The following PPP1R21 variants were observed in gnomAD, a reference collection of about 807,000 sequenced individuals.
The protein encoded by PPP1R21 is protein phosphatase 1 regulatory subunit 21.
PPP1R21 carries 85 observed loss-of-function variants against 112.8 expected under a neutral mutation model. The observed-to-expected ratio is 0.75, with a 90% CI of 0.63 to 0.90. The LOEUF is 0.90. Among genes scored for constraint, PPP1R21 ranks in the 40% least tolerant of loss-of-function variants. The pLI is 0.00. For missense variants in PPP1R21, 1,199 were observed against 901.5 expected, an observed-to-expected ratio of 1.33 and a Z score of -4.23; for synonymous variants, 381 against 322.3, an observed-to-expected ratio of 1.18 and a Z score of -1.95.
At chr2:48,501,458 G>C (rs1043652913) in intron 17 of PPP1R21, among the ~76,000 whole-genome samples, 1 of 152,206 alleles carries the variant, frequency 6.6e-6, no homozygotes, top group South Asian at 2.1e-4. Context: ...TAGTCAGTCA[G>C]TCAGTCCTCA....
chr2:48,474,006 C>T (rs998054744), intron 11 of PPP1R21, among the ~76,000 whole-genome samples: 7 of 152,052 alleles, frequency 4.6e-5, no homozygotes, highest in Non-Finnish European at 1.0e-4. Context: ...AATACCAGTT[C>T]CTGTTTAATT....
intron 21 of PPP1R21, 91 bp from the exon 22 acceptor site, chr2:48,514,624 A>C: frequency 1.1e-6 from 1 of 933,898 alleles, no homozygotes; most frequent in Non-Finnish European, 1.7e-6. Context: ...TCCAAAGTGA[A>C]ATATGGCTTT....
At chr2:48,456,061 C>T in intron 3 of PPP1R21, among the ~76,000 whole-genome samples, 1 of 149,098 alleles carries the variant, frequency 6.7e-6, no homozygotes, top group East Asian at 2.0e-4. Flanking sequence ...ACACTTATAC[C>T]TTAGGTTTGT....
chr2:48,446,880 A>C (rs1667270685), intron 1 of PPP1R21, among the ~76,000 whole-genome samples: 1 of 152,044 alleles, frequency 6.6e-6, no homozygotes, highest in Admixed American at 6.6e-5. Flanking sequence ...CCTCCTGAGT[A>C]GCTGGGATTA....
At chr2:48,456,807 C>CTT (rs1667747039) in intron 3 of PPP1R21, among the ~76,000 whole-genome samples, 1 of 152,172 alleles carries the variant, frequency 6.6e-6, no homozygotes, top group African/African-American at 2.4e-5. Flanking sequence ...AATCCCAGCA[C>CTT]TTTGGGAGGC....
chr2:48,499,184 G>T (rs946324340), intron 17 of PPP1R21, among the ~76,000 whole-genome samples: 4 of 152,052 alleles, frequency 2.6e-5, no homozygotes, highest in African/African-American at 7.3e-5. Context: ...TTATACATCA[G>T]TTCATAACAG....
chr2:48,465,940 C>A (rs1475513321), intron 9 of PPP1R21, among the ~76,000 whole-genome samples: 2 of 152,202 alleles, frequency 1.3e-5, no homozygotes. Context: ...CTCCACATGG[C>A]TGGGGAGGCC....
chr2:48,455,142 ATTTTTTTTTTT>A (rs767494556), intron 3 of PPP1R21, among the ~76,000 whole-genome samples: 1 of 117,016 alleles, frequency 8.5e-6, no homozygotes, highest in Non-Finnish European at 1.8e-5. Context: ...CCGGCCCTGA[ATTTTTTTTTTT>A]TTTTTTTTTT....
At position 48,458,123 on chromosome 2, in the gene PPP1R21, C is replaced by T. The variant is rs1207364967; in HGVS notation, c.274-3C>T. 1.3e-6 allele frequency: 2 copies of T among 1,598,512 alleles called. No homozygotes were observed. Among genetic ancestry groups the T allele is most frequent in the Non-Finnish European group, 1.7e-6 (2 of 1,166,946 alleles). On this transcript the variant is annotated splice_polypyrimidine_tract_variant and splice_region_variant and intron_variant, in intron 3 of 21. Transcript: ENST00000294952. ...TGTGGACATAACTTATTCTTTCCATCAGAAAAGTGGAGAATCTTCTTCTCA... is the reference window on the plus strand; with the variant it reads ...TGTGGACATAACTTATTCTTTCCATTAGAAAAGTGGAGAATCTTCTTCTCA...
intron 9 of PPP1R21, among the ~76,000 whole-genome samples, 171 bp downstream of exon 9, chr2:48,465,813 G>C (rs1391077656): frequency 6.6e-6 from 1 of 152,196 alleles, no homozygotes; most frequent in African/African-American, 2.4e-5. Context: ...AGATTCTTAA[G>C]AAATTAAATT....
intron 19 of PPP1R21, 106 bp downstream of exon 19, chr2:48,507,491 C>T (rs1035374417): frequency 1.3e-6 from 2 of 1,498,574 alleles, no homozygotes; most frequent in African/African-American, 2.9e-5. Flanking sequence ...AGTCAGTGTC[C>T]CAAGTAGCTG....
intron 1 of PPP1R21, 127 bp from the exon 2 acceptor site, chr2:48,450,881 G>A (rs369640468): frequency 9.1e-6 from 6 of 660,374 alleles, no homozygotes; most frequent in Non-Finnish European, 1.6e-5. Flanking sequence ...ATACTTTTTT[G>A]TTCTCATATA....
chr2:48,464,128 A>G (rs968991921), intron 7 of PPP1R21, among the ~76,000 whole-genome samples: 9 of 152,200 alleles, frequency 5.9e-5, no homozygotes, highest in Admixed American at 2.0e-4. Context: ...GGGAAGCAAA[A>G]CAAGCAAGGC....
At chr2:48,509,444 A>T (rs1418561301) in intron 19 of PPP1R21, among the ~76,000 whole-genome samples, 1 of 151,858 alleles carries the variant, frequency 6.6e-6, no homozygotes, top group Non-Finnish European at 1.5e-5. Flanking sequence ...TGTGGCTCAC[A>T]CCTGTAATCC....
chr2:48,507,136 G>C lies in PPP1R21; in HGVS notation c.1969-133G>C, dbSNP rs1195136763. 8 of 1,280,350 alleles carry C rather than the reference G, an allele frequency of 6.2e-6. No homozygotes were observed. In the East Asian group the frequency reaches 2.1e-4, roughly 34 times the overall value. 79.3% of individuals were successfully genotyped at this position (1,280,350 alleles called of 1,614,324 possible). A position where few individuals can be genotyped will look rare whatever the true frequency, so the allele number is the denominator to read the frequency against. Reference sequence around the variant, plus strand: ...GCTATGTCTGAAGTTTCTTCGAGGGGGTAGGAAAACAGTGATTCCCCATCA... The same window carrying C: ...GCTATGTCTGAAGTTTCTTCGAGGGCGTAGGAAAACAGTGATTCCCCATCA... On this transcript the variant is annotated intron_variant, in intron 18 of 21. Transcript: ENST00000294952.
intron 1 of PPP1R21, among the ~76,000 whole-genome samples, chr2:48,450,115 C>G (rs1667410471): frequency 6.6e-6 from 1 of 152,098 alleles, no homozygotes; most frequent in African/African-American, 2.4e-5. Context: ...TGAAAAAAAG[C>G]CCAAGTTTTA....
chr2:48,481,647 T>G lies in PPP1R21; in HGVS notation c.1318+1631T>G, dbSNP rs568517914. Among the ~76,000 whole-genome samples the G allele has an allele frequency of 3.1e-3, 472 of 152,156 alleles. 1 individual carries two copies. Among genetic ancestry groups the G allele is most frequent in the Non-Finnish European group, 4.7e-3 (323 of 68,002 alleles). ...AATCCCAGCATTTTGGGAAGCTGAGTGGGAAGATCACTTGAGCCCAAGAAT... is the reference window on the plus strand; with the variant it reads ...AATCCCAGCATTTTGGGAAGCTGAGGGGGAAGATCACTTGAGCCCAAGAAT... On this transcript the variant is annotated intron_variant, in intron 13 of 21. Transcript: ENST00000294952.
chr2:48,467,673 G>C (rs1668265683), intron 9 of PPP1R21, among the ~76,000 whole-genome samples: 1 of 152,202 alleles, frequency 6.6e-6, no homozygotes, highest in South Asian at 2.1e-4. Context: ...GAGCAAGGTG[G>C]AAGCCACAGT....
chr2:48,451,725 A>G (rs999167883), intron 2 of PPP1R21, among the ~76,000 whole-genome samples: 2 of 152,100 alleles, frequency 1.3e-5, no homozygotes, highest in Admixed American at 6.5e-5. Context: ...TTCTTGGCCA[A>G]GTTTCAGTTA....
Sources: gnomAD v4.1 joint callset for allele counts (sites outside exome capture counted in the v4.1 genomes callset) on GRCh38, gnomAD v4.1.1 for gene constraint, MANE v1.5 for transcripts, NCBI Gene and HGNC (gene_info 2026-07-23, HGNC 2026-07-21) for gene names.